MAPT: variants seen among roughly 807,000 people sequenced by gnomAD.
MAPT encodes microtubule-associated protein tau.
A neutral mutation model predicts 67.9 loss-of-function variants in MAPT; 34 were observed. The ratio of observed to expected loss-of-function variants is 0.50; its 90% confidence interval spans 0.38 to 0.67. The LOEUF is 0.67. Among genes scored for constraint, MAPT ranks in the 30% least tolerant of loss-of-function variants. The probability of loss-of-function intolerance (pLI) is 0.00; values close to 1 mark genes in which losing one functional copy is unlikely to be tolerated. For synonymous variants in MAPT, 456 were observed against 464.5 expected, an observed-to-expected ratio of 0.98 and a Z score of 0.23; for missense variants, 881 against 1,115.2, an observed-to-expected ratio of 0.79 and a Z score of 2.99.
chr17:45,903,838 A>AT (rs66789589), intron 1 of MAPT, among the ~76,000 whole-genome samples: 45,760 of 52,896 alleles, frequency 0.87, 19,358 homozygotes, highest in Middle Eastern at 0.93. Flanking sequence ...TATATTATAT[A>AT]TTTTATATAT....
intron 1 of MAPT, among the ~76,000 whole-genome samples, chr17:45,901,545 A>G (rs758447064): frequency 4.6e-5 from 7 of 152,228 alleles, no homozygotes; most frequent in Non-Finnish European, 1.0e-4. Flanking sequence ...TAGGAATTCC[A>G]TGTATCCAAT....
At chr17:45,919,489 T>C (rs1211974421) in intron 1 of MAPT, among the ~76,000 whole-genome samples, 1 of 152,222 alleles carries the variant, frequency 6.6e-6, no homozygotes, top group Non-Finnish European at 1.5e-5. Context: ...TTGTGGAAGA[T>C]GGTGAGCTCA....
chr17:45,938,976 A>G (rs1001822458), intron 1 of MAPT, among the ~76,000 whole-genome samples: 2 of 151,678 alleles, frequency 1.3e-5, no homozygotes, highest in African/African-American at 2.4e-5. Flanking sequence ...ACCACGCCCG[A>G]CTAATTTTTG....
chr17:45,945,332 T>C (rs1156892422), intron 1 of MAPT, among the ~76,000 whole-genome samples: 1 of 152,222 alleles, frequency 6.6e-6, no homozygotes, highest in Non-Finnish European at 1.5e-5. Flanking sequence ...ACTCTTGTTA[T>C]TAAGGGAAGA....
intron 1 of MAPT, among the ~76,000 whole-genome samples, chr17:45,901,059 G>C (rs1476720723): frequency 2.0e-5 from 3 of 152,162 alleles, no homozygotes; most frequent in African/African-American, 7.2e-5. Flanking sequence ...GATAGGAAAA[G>C]TCGGCAACTA....
In MAPT at chr17:45,950,968, C is replaced by CTT. The variant is rs1477280791; in HGVS notation, c.-17-11350_-17-11349dup. 1.7e-4 allele frequency among the ~76,000 whole-genome samples: 26 copies of CTT among 152,288 alleles called. No individual in the cohort carries two copies. The East Asian group carries it at 4.8e-3, about 28-fold the overall frequency. The stretch of plus-strand genomic sequence containing the variant: ...GTGAGCCACCGCACTCGGCTCCACA[C>CTT]TTTTCACTTATTAAAAGACTGTGGT... On this transcript the variant is annotated intron_variant, in intron 1 of 12. Coordinates refer to ENST00000262410, the MANE Select transcript of MAPT (RefSeq NM_001377265.1).
At chr17:45,980,588 A>G (rs548067988) in intron 4 of MAPT, 16 of 151,026 alleles carry the variant, frequency 1.1e-4, no homozygotes, top group African/African-American at 3.6e-4. Flanking sequence ...TTCCTCATTG[A>G]TACACACACA....
intron 1 of MAPT, among the ~76,000 whole-genome samples, chr17:45,916,577 A>T (rs1317478860): frequency 1.3e-5 from 2 of 152,168 alleles, no homozygotes; most frequent in Non-Finnish European, 2.9e-5. Context: ...CCCAAAGAGG[A>T]AGGTAAAACT....
chr17:46,019,881 G>A (rs1598411298), intron 12 of MAPT, among the ~76,000 whole-genome samples: 1 of 151,702 alleles, frequency 6.6e-6, no homozygotes, highest in East Asian at 2.0e-4. Context: ...GTGTGGTGGT[G>A]CGTGCCTGTA....
chr17:46,022,600 C>T (rs2076601545), intron 12 of MAPT, among the ~76,000 whole-genome samples: 1 of 152,078 alleles, frequency 6.6e-6, no homozygotes, highest in Admixed American at 6.5e-5. Flanking sequence ...TTGGCTTTAC[C>T]AGATGCTCAA....
chr17:46,008,520 T>C (rs1256938516), intron 9 of MAPT, among the ~76,000 whole-genome samples: 1 of 152,190 alleles, frequency 6.6e-6, no homozygotes, highest in Non-Finnish European at 1.5e-5. Flanking sequence ...ATCGTGATTG[T>C]GTTAGGGTGG....
chr17:45,926,910 T>C (rs927456428), intron 1 of MAPT, among the ~76,000 whole-genome samples: 2 of 150,600 alleles, frequency 1.3e-5, no homozygotes, highest in Non-Finnish European at 3.0e-5. Context: ...TGTGTATGTA[T>C]GTGTGTATAT....
intron 1 of MAPT, among the ~76,000 whole-genome samples, chr17:45,899,064 G>T (rs1248837186): frequency 1.3e-5 from 2 of 152,202 alleles, no homozygotes; most frequent in Non-Finnish European, 2.9e-5. Context: ...CAGGTGACGG[G>T]AAGAGAAGAC....
At position 45,990,060 on chromosome 17, in the gene MAPT, G is replaced by A; in HGVS notation, c.1590G>A (p.Lys530=). The stretch of plus-strand genomic sequence containing the variant: ...CCCGAACTGGCAGTTCTGGAGCAAA[G>A]GAGATGAAACTCAAGGTAAGGAAAC... The part of the protein sequence containing the change: ...VTSRTGSSGA[K]EMKLKGADGK... Residue 530 remains lysine (K), a synonymous_variant, in exon 7 of 13, where the codon AAG becomes AAA. Transcript: ENST00000262410. 1 of 1,614,200 alleles carries A rather than the reference G, an allele frequency of 6.2e-7. No homozygotes were observed. The highest frequency in any genetic ancestry group is 8.5e-7 in the Non-Finnish European group (1 of 1,180,036).
chr17:45,926,923 A>G (rs892104976), intron 1 of MAPT, among the ~76,000 whole-genome samples: 2 of 149,934 alleles, frequency 1.3e-5, no homozygotes, highest in African/African-American at 2.4e-5. Flanking sequence ...GTGTATATAT[A>G]TACACATATA....
chr17:45,935,210 C>T (rs1311683952), intron 1 of MAPT, among the ~76,000 whole-genome samples: 3 of 152,072 alleles, frequency 2.0e-5, no homozygotes, highest in Non-Finnish European at 4.4e-5. Flanking sequence ...GTCTGGGCAG[C>T]CCCTACTGGG....
At chr17:46,003,953 C>CT (rs1470547676) in intron 9 of MAPT, among the ~76,000 whole-genome samples, 11 of 152,362 alleles carry the variant, frequency 7.2e-5, no homozygotes, top group Non-Finnish European at 1.6e-4. Context: ...TTGATCTCTT[C>CT]TTTGGCCAGC....
Position 45,983,944 on chromosome 17 carries a change from G to A in MAPT, c.1351+14G>A. ...CTCAACTCAAAGGTCTGTGTCTTGA[G>A]CTTCTTCGCTCCTTCCCTGGGGACC... On this transcript the variant is annotated intron_variant, in intron 5 of 12. Coordinates refer to ENST00000262410, the MANE Select transcript of MAPT (RefSeq NM_001377265.1). 6.5e-7 allele frequency: 1 copy of A among 1,536,904 alleles called. No homozygotes were observed. Among genetic ancestry groups the A allele is most frequent in the Non-Finnish European group, 8.7e-7 (1 of 1,146,726 alleles).
chr17:45,975,769 C>G (rs2072264581), intron 3 of MAPT: 1 of 152,232 alleles, frequency 6.6e-6, no homozygotes, highest in South Asian at 2.1e-4. Context: ...CTTCTAACTC[C>G]ATTCAAAGTT....
Sources: gnomAD v4.1 joint callset for allele counts (sites outside exome capture counted in the v4.1 genomes callset) on GRCh38, gnomAD v4.1.1 for gene constraint, MANE v1.5 for transcripts, NCBI Gene and HGNC (gene_info 2026-07-23, HGNC 2026-07-21) for gene names.